Variants in ZNF302 observed in about 807,000 individuals in gnomAD.
ZNF302 encodes the protein zinc finger protein 302, also known as zinc finger protein 327.
Under a neutral mutation model 10.8 loss-of-function variants are expected in ZNF302, and 12 were observed. The observed-to-expected ratio is 1.11, with a 90% CI of 0.71 to 1.79. ZNF302 has a LOEUF of 1.79. ZNF302 is among the 40% of genes most tolerant of loss of function. The pLI is 0.00. For missense variants in ZNF302, 461 were observed against 471.1 expected (o/e 0.98, Z 0.20); for synonymous variants, 178 against 157.5 (o/e 1.13, Z -0.98).
At chr19:34,683,090 C>G in intron 3 of ZNF302, 65 bp from the exon 4 acceptor site, 3 of 1,605,964 alleles carry the variant, frequency 1.9e-6, no homozygotes, top group Non-Finnish European at 2.6e-6. Flanking sequence ...TGTGGTCCCT[C>G]TTGTGATGGC....
At chr19:34,682,939 C>T in intron 3 of ZNF302, 42 bp downstream of exon 3, 16 of 1,602,580 alleles carry the variant, frequency 1.0e-5, no homozygotes, top group Non-Finnish European at 1.4e-5. Context: ...GGACACCTTT[C>T]TTTTGCCACC....
Position 34,683,216 on chromosome 19 carries a change from G to T in ZNF302, c.192G>T (p.Met64Ile). The T allele has an allele frequency of 6.2e-7, 1 of 1,614,060 alleles. No individual in the cohort carries two copies. Among genetic ancestry groups the T allele is most frequent in the Non-Finnish European group, 8.5e-7 (1 of 1,179,946 alleles). The stretch of plus-strand genomic sequence containing the variant: ...TGGAGGATGGAAAAGAGCCCTGGAT[G>T]ATGGAGAAAAAACTGTCAAAAGGTA... Reference protein sequence around the residue: ...MLLEDGKEPWMMEKKLSKDWE... With the variant: ...MLLEDGKEPWIMEKKLSKDWE... Residue 64 changes from methionine (M) to isoleucine (I), a missense_variant, in exon 4 of 5, where the codon ATG becomes ATT. By Grantham distance (10) the Met-to-Ile change is conservative. Coordinates refer to ENST00000505242, the MANE Select transcript of ZNF302 (RefSeq NM_001289187.2).
chr19:34,677,570 C>G (rs1406419121), upstream of ZNF302: 1 of 152,354 alleles, frequency 6.6e-6, no homozygotes, highest in Non-Finnish European at 1.5e-5. Context: ...GCCGCAGAGA[C>G]CCTTGGGAAG....
At chr19:34,683,308 T>A (rs1384747978) in intron 4 of ZNF302, 70 bp downstream of exon 4, 2 of 1,578,568 alleles carry the variant, frequency 1.3e-6, no homozygotes, top group African/African-American at 1.4e-5. Context: ...ATAGTGAGTG[T>A]GGAAGCATTT....
chr19:34,684,032 G>A (rs2068499128), intron 4 of ZNF302: 32 of 1,507,878 alleles, frequency 2.1e-5, no homozygotes, highest in Non-Finnish European at 2.7e-5. Context: ...CTGCTTCTGT[G>A]AACTTTGGAT....
chr19:34,676,661 G>A (rs2067961549), upstream of ZNF302: 1 of 152,112 alleles, frequency 6.6e-6, no homozygotes, highest in Admixed American at 6.6e-5. Flanking sequence ...TCTTGGGGTC[G>A]GATCCGGACC....
Position 34,683,058 on chromosome 19 carries a change from G to A in ZNF302, c.131-97G>A, listed in dbSNP as rs398809. On this transcript the variant is annotated intron_variant, in intron 3 of 4. Transcript: ENST00000505242. ...GCCTAAAGCTTATCTTTCCATTTCA[G>A]TGAACACCCTTCATCCATTCCTGTG... 1.6e-4 allele frequency: 247 copies of A among 1,579,978 alleles called. 2 individuals are homozygous for A. In the African/African-American group the frequency reaches 1.9e-3, roughly 12 times the overall value.
At position 34,684,571 on chromosome 19, in the gene ZNF302, A is replaced by G. The variant is rs768194955; in HGVS notation, c.534A>G (p.Lys178=). The change falls in exon 5 of 5, where the codon AAA becomes AAG. Residue 178 remains lysine (K), a synonymous_variant. Coordinates refer to ENST00000505242, the MANE Select transcript of ZNF302 (RefSeq NM_001289187.2). ...GAAAGAAACTTTTAAATTCTAATAA[A>G]AGTGGGGCAGCCTTCAACCAGAGCA... ...NGGKKLLNSN[K]SGAAFNQSKS... The G allele has an allele frequency of 2.5e-6, 4 of 1,613,954 alleles. No homozygotes were observed. Among genetic ancestry groups the G allele is most frequent in the Non-Finnish European group, 2.5e-6 (3 of 1,179,868 alleles).
intron 2 of ZNF302, chr19:34,679,764 T>A (rs1269668943): frequency 1.5e-6 from 1 of 674,218 alleles, no homozygotes; most frequent in African/African-American, 1.8e-5. Context: ...GTTCAGTATA[T>A]GCACGTGCTC....
rs777015697 is a variant in ZNF302 at position 34,683,244 on chromosome 19, A to G, written c.214+6A>G. 15 of 1,614,060 alleles carry G rather than the reference A, an allele frequency of 9.3e-6. No individual in the cohort carries two copies. The South Asian group carries it at 1.6e-4, about 18-fold the overall frequency. On this transcript the variant is annotated splice_donor_region_variant and intron_variant, in intron 4 of 4. Transcript: ENST00000505242. ...GGAGAAAAAACTGTCAAAAGGTATG[A>G]TTCCACATGAGTCATGGTGAACGAG...
chr19:34,685,488 G>A lies in ZNF302; in HGVS notation c.*251G>A, dbSNP rs887954260. 8 of 1,585,958 alleles carry A rather than the reference G, an allele frequency of 5.0e-6. No homozygotes were observed. The highest frequency in any genetic ancestry group is 4.0e-5 in the African/African-American group (3 of 74,298). ...ACTGGAGAAAAGCCATATAAATGTA[G>A]TGAGTGTGGGAAAGCTTTTAGCAAA... On this transcript the variant is annotated 3_prime_UTR_variant, in exon 5 of 5. Transcript: ENST00000505242.
Position 34,684,690 on chromosome 19 carries a change from G to A in ZNF302, c.653G>A (p.Arg218His), listed in dbSNP as rs747006711. Residue 218 changes from arginine to histidine, a missense_variant, in exon 5 of 5, where the codon CGC (arginine) becomes CAC (histidine). Physicochemically the swap from Arg to His is conservative, Grantham distance 29 (BLOSUM62 0). Coordinates refer to ENST00000505242, the MANE Select transcript of ZNF302 (RefSeq NM_001289187.2). ...TTTGGCAAACAGTCAATCCTCAGTC[G>A]CCACTGGAGAATTCATACAGGAGAG... ...KAFGKQSILS[R>H]HWRIHTGEKP... 1.1e-5 allele frequency: 17 copies of A among 1,613,948 alleles called. No homozygotes were observed. Among genetic ancestry groups the A allele is most frequent in the Admixed American group, 8.3e-5 (5 of 60,004 alleles).
chr19:34,685,606 C>T lies in ZNF302; in HGVS notation c.*369C>T, dbSNP rs2068620968. On this transcript the variant is annotated 3_prime_UTR_variant, in exon 5 of 5. Transcript: ENST00000505242. ...AAAAGCCTTTAGATCATATGAATCC[C>T]TATACATGTGAGAAATCTTACAGAA... 3.4e-6 allele frequency: 4 copies of T among 1,170,454 alleles called. No homozygotes were observed. The highest frequency in any genetic ancestry group is 5.1e-6 in the Non-Finnish European group (4 of 791,478). The allele number at this position is 1,170,454 out of a possible 1,614,324, so 72.5% of individuals were successfully genotyped here.
In ZNF302 at chr19:34,685,177, C is replaced by G. The variant is rs772463913; in HGVS notation, c.1140C>G (p.Ser380Arg). 6.2e-7 allele frequency: 1 copy of G among 1,605,108 alleles called. No individual in the cohort carries two copies. The highest frequency in any genetic ancestry group is 8.5e-7 in the Non-Finnish European group (1 of 1,176,716). ...ECNKCLKVFS[S>R]FSFLVQHQSI... The stretch of plus-strand genomic sequence containing the variant: ...ACAAATGTCTCAAGGTCTTTAGTAG[C>G]TTCTCATTTCTTGTTCAACATCAGA... Residue 380 changes from serine to arginine, a missense_variant, in exon 5 of 5, where the codon AGC becomes AGG. Physicochemically the swap from Ser to Arg is moderately radical, Grantham distance 110. Transcript: ENST00000505242.
chr19:34,679,794 A>G (rs1568454317), intron 2 of ZNF302: 1 of 695,478 alleles, frequency 1.4e-6, no homozygotes, highest in South Asian at 1.5e-5. Flanking sequence ...TCCTGGTGGG[A>G]GGAATGCTTT....
chr19:34,681,692 G>A (rs1487134135), intron 2 of ZNF302: 3 of 152,166 alleles, frequency 2.0e-5, no homozygotes, highest in African/African-American at 4.8e-5. Context: ...GGTGGAGCTC[G>A]GGTGATAATG....
intron 4 of ZNF302, chr19:34,683,908 T>A: frequency 8.7e-7 from 1 of 1,143,422 alleles, no homozygotes. Context: ...AGGCACAAAA[T>A]GATGATTTGT....
rs978791247 is a variant in ZNF302, at chr19:34,680,315, T to A, written c.9+1502T>A. On this transcript the variant is annotated intron_variant, in intron 2 of 4. Coordinates refer to ENST00000505242, the MANE Select transcript of ZNF302 (RefSeq NM_001289187.2). Reference sequence around the variant, plus strand: ...GTGTACACTGACACACAGGACTTCATGATCTAGTGCAGTATTGTCTAAGAG... The same window carrying A: ...GTGTACACTGACACACAGGACTTCAAGATCTAGTGCAGTATTGTCTAAGAG... Among the ~76,000 whole-genome samples, 7 of 152,256 alleles carry A rather than the reference T, an allele frequency of 4.6e-5. No individual in the cohort carries two copies. The East Asian group carries it at 1.3e-3, about 29-fold the overall frequency.
At position 34,685,243 on chromosome 19, in the gene ZNF302, C is replaced by G. The variant is rs1480357515; in HGVS notation, c.*6C>G. 2 of 1,612,850 alleles carry G rather than the reference C, an allele frequency of 1.2e-6. No homozygotes were observed. Among genetic ancestry groups the G allele is most frequent in the African/African-American group, 2.7e-5 (2 of 74,872 alleles). Reference sequence around the variant, plus strand: ...AAAAACCGTTTGAAGTTTAGAAATGCAGGAAATCCTTCAACCAGCTTGAAT... The same window carrying G: ...AAAAACCGTTTGAAGTTTAGAAATGGAGGAAATCCTTCAACCAGCTTGAAT... On this transcript the variant is annotated 3_prime_UTR_variant, in exon 5 of 5. Coordinates refer to ENST00000505242, the MANE Select transcript of ZNF302 (RefSeq NM_001289187.2).
Sources: gnomAD v4.1 joint callset for allele counts (sites outside exome capture counted in the v4.1 genomes callset) on GRCh38, gnomAD v4.1.1 for gene constraint, MANE v1.5 for transcripts, NCBI Gene and HGNC (gene_info 2026-07-23, HGNC 2026-07-21) for gene names.